EPHA6: variants seen among roughly 807,000 people sequenced by gnomAD.
EPHA6 encodes ephrin type-A receptor 6.
EPHA6 carries 50 observed loss-of-function variants against 112.0 expected under a neutral mutation model. That is an observed-to-expected ratio of 0.45 (90% CI 0.36 to 0.56). EPHA6 has a LOEUF of 0.56. Among genes scored for constraint, EPHA6 ranks in the 20% least tolerant of loss-of-function variants. The probability of loss-of-function intolerance (pLI) is 0.00; values close to 1 mark genes in which losing one functional copy is unlikely to be tolerated. For synonymous variants in EPHA6, 529 were observed against 490.7 expected (o/e 1.08, Z -1.03); for missense variants, 1,280 against 1,417.4 (o/e 0.90, Z 1.56).
At chr3:97,692,491 A>C (rs1157314442) in intron 14 of EPHA6, among the ~76,000 whole-genome samples, 2 of 152,140 alleles carry the variant, frequency 1.3e-5, no homozygotes, top group African/African-American at 4.8e-5. Flanking sequence ...AAATGTCATA[A>C]ATCTCAAAAA....
At chr3:97,517,634 A>C (rs2092468225) in intron 10 of EPHA6, among the ~76,000 whole-genome samples, 1 of 152,158 alleles carries the variant, frequency 6.6e-6, no homozygotes, top group African/African-American at 2.4e-5. Context: ...ATTAAAAAAT[A>C]TACAATCATA....
intron 14 of EPHA6, among the ~76,000 whole-genome samples, chr3:97,663,231 T>A (rs1013389180): frequency 1.3e-5 from 2 of 152,174 alleles, no homozygotes; most frequent in Non-Finnish European, 2.9e-5. Context: ...AGCCAAGAGT[T>A]GGAGACATAG....
At chr3:97,340,011 A>G (rs2083230416) in intron 5 of EPHA6, among the ~76,000 whole-genome samples, 1 of 152,236 alleles carries the variant, frequency 6.6e-6, no homozygotes, top group Admixed American at 6.5e-5. Flanking sequence ...GGCTTGGGAT[A>G]TATGAAAAAC....
chr3:96,983,325 T>G (rs1425091710), intron 2 of EPHA6, among the ~76,000 whole-genome samples: 1 of 152,212 alleles, frequency 6.6e-6, no homozygotes, highest in African/African-American at 2.4e-5. Flanking sequence ...TTAGTTTGGC[T>G]GGATATGAAA....
At chr3:97,152,634 T>C (rs1306868949) in intron 3 of EPHA6, among the ~76,000 whole-genome samples, 1 of 152,046 alleles carries the variant, frequency 6.6e-6, no homozygotes, top group East Asian at 1.9e-4. Context: ...GGATTCAGCA[T>C]TTACTTAATA....
intron 5 of EPHA6, among the ~76,000 whole-genome samples, chr3:97,300,447 A>T (rs530834483): frequency 6.6e-6 from 1 of 152,230 alleles, no homozygotes; most frequent in East Asian, 1.9e-4. Context: ...CAGTCACTCA[A>T]AGTGCACCCA....
intron 2 of EPHA6, among the ~76,000 whole-genome samples, chr3:96,898,026 G>GA (rs1001632094): frequency 3.6e-4 from 55 of 152,102 alleles, no homozygotes; most frequent in African/African-American, 1.3e-3. Flanking sequence ...ACCTAAAAAT[G>GA]AAAAAAGAAA....
At chr3:97,611,665 ATCTATCTG>A (rs936583600) in intron 13 of EPHA6, among the ~76,000 whole-genome samples, 3 of 151,728 alleles carry the variant, frequency 2.0e-5, no homozygotes, top group East Asian at 3.9e-4. Context: ...TTTAATATCT[ATCTATCTG>A]TCTATCTGTC....
In EPHA6 at chr3:97,522,819, T is replaced by G. The variant is rs577244999; in HGVS notation, c.2201-9539T>G. On this transcript the variant is annotated intron_variant, in intron 10 of 17. Transcript: ENST00000389672. ...AATTTCTTCTAAATTATCCAATTTA[T>G]AAGCGTAAAGTTGTTCATAATATTC... Among the ~76,000 whole-genome samples the G allele has an allele frequency of 8.5e-5, 13 of 152,284 alleles. No individual in the cohort carries two copies. The South Asian group carries it at 2.7e-3, about 32-fold the overall frequency.
chr3:97,213,696 T>A (rs767393985), intron 3 of EPHA6, among the ~76,000 whole-genome samples: 6 of 152,158 alleles, frequency 3.9e-5, no homozygotes, highest in Admixed American at 2.6e-4. Flanking sequence ...TTCTCCAATG[T>A]GCCTACTTCT....
chr3:97,645,383 G>A (rs74523428), intron 14 of EPHA6, among the ~76,000 whole-genome samples: 54 of 142,964 alleles, frequency 3.8e-4, no homozygotes, highest in East Asian at 2.7e-3. Flanking sequence ...GATGACATTG[G>A]AAATCATCAT....
chr3:97,744,236 G>A (rs2035622544), intron 16 of EPHA6, among the ~76,000 whole-genome samples: 1 of 151,768 alleles, frequency 6.6e-6, no homozygotes, highest in Non-Finnish European at 1.5e-5. Flanking sequence ...TGAGCTGCAG[G>A]TTTTGCTGTA....
At chr3:96,829,180 A>C (rs561747210) in intron 1 of EPHA6, among the ~76,000 whole-genome samples, 1 of 152,248 alleles carries the variant, frequency 6.6e-6, no homozygotes, top group Non-Finnish European at 1.5e-5. Context: ...CTTTTGCTTA[A>C]AATATATGAA....
At chr3:97,074,477 G>A (rs1309407682) in intron 3 of EPHA6, among the ~76,000 whole-genome samples, 2 of 151,808 alleles carry the variant, frequency 1.3e-5, no homozygotes, top group Non-Finnish European at 2.9e-5. Context: ...TTTTAAAATG[G>A]TGGTTTAATT....
intron 3 of EPHA6, among the ~76,000 whole-genome samples, chr3:97,193,825 A>G (rs1299285488): frequency 2.0e-5 from 3 of 151,890 alleles, no homozygotes; most frequent in Non-Finnish European, 4.4e-5. Context: ...TTCTAACCCC[A>G]GTTGTTTGAG....
At chr3:97,098,423 G>A (rs1263871674) in intron 3 of EPHA6, among the ~76,000 whole-genome samples, 1 of 151,692 alleles carries the variant, frequency 6.6e-6, no homozygotes, top group Non-Finnish European at 1.5e-5. Context: ...GCTTTTTTAT[G>A]TAAGCTTTCT....
chr3:97,624,853 T>C (rs1379475398), intron 13 of EPHA6, among the ~76,000 whole-genome samples: 1 of 151,600 alleles, frequency 6.6e-6, no homozygotes, highest in African/African-American at 2.4e-5. Context: ...TCATTTATAG[T>C]ACTGTCATAA....
chr3:97,243,178 A>G (rs778665259), intron 4 of EPHA6, among the ~76,000 whole-genome samples: 14 of 151,844 alleles, frequency 9.2e-5, no homozygotes, highest in Non-Finnish European at 1.8e-4. Context: ...CGAGGTCTTT[A>G]TGACAAATAG....
intron 11 of EPHA6, 37 bp downstream of exon 11, chr3:97,532,580 A>G: frequency 6.6e-7 from 1 of 1,521,624 alleles, no homozygotes; most frequent in Non-Finnish European, 8.8e-7. Flanking sequence ...TCTTTCACAC[A>G]CCTATCTCAG....
Sources: allele counts gnomAD v4.1 joint callset (sites outside exome capture counted in the v4.1 genomes callset), GRCh38; gene constraint gnomAD v4.1.1; transcripts MANE v1.5; gene names NCBI Gene and HGNC (gene_info 2026-07-23, HGNC 2026-07-21).